CWF19L1: variants seen among roughly 807,000 people sequenced by gnomAD.
CWF19L1 encodes the protein CWF19-like protein 1.
Under a neutral mutation model 69.7 loss-of-function variants are expected in CWF19L1, and 60 were observed. The ratio of observed to expected loss-of-function variants is 0.86; its 90% CI spans 0.70 to 1.07. The LOEUF (loss-of-function observed/expected upper bound fraction) is 1.07. CWF19L1 is among the 50% of genes least tolerant of loss of function. CWF19L1 has a pLI of 0.00. For missense variants in CWF19L1, 591 were observed against 638.9 expected, an observed-to-expected ratio of 0.92 and a Z score of 0.81; for synonymous variants, 209 against 222.2, an observed-to-expected ratio of 0.94 and a Z score of 0.53.
intron 4 of CWF19L1, among the ~76,000 whole-genome samples, chr10:100,259,650 G>A (rs191559000): frequency 3.3e-4 from 50 of 152,172 alleles, no homozygotes; most frequent in African/African-American, 1.1e-3. Context: ...AGTGTGTACC[G>A]GGTTGTGGGA....
chr10:100,242,180 C>T (rs1044405715), intron 10 of CWF19L1, among the ~76,000 whole-genome samples: 1 of 152,080 alleles, frequency 6.6e-6, no homozygotes, highest in East Asian at 1.9e-4. Flanking sequence ...AAGACCATCC[C>T]GTTCTCATAG....
At chr10:100,250,400 T>G in intron 6 of CWF19L1, 68 bp from the exon 7 acceptor site, 1 of 924,494 alleles carries the variant, frequency 1.1e-6, no homozygotes, top group East Asian at 2.4e-5. Context: ...ACAAAATATG[T>G]GGACTCTATG....
intron 1 of CWF19L1, among the ~76,000 whole-genome samples, chr10:100,267,067 G>A (rs1057079014): frequency 1.3e-5 from 2 of 149,256 alleles, no homozygotes; most frequent in Non-Finnish European, 3.0e-5. Context: ...CTAGCACAGC[G>A]TCCGGCACAC....
At chr10:100,255,677 T>C (rs1289704705) in intron 5 of CWF19L1, among the ~76,000 whole-genome samples, 1 of 150,464 alleles carries the variant, frequency 6.6e-6, no homozygotes, top group Non-Finnish European at 1.5e-5. Context: ...GCAGGTGAAT[T>C]GCTTGAACCC....
chr10:100,246,071 C>A, intron 8 of CWF19L1, 158 bp from the exon 9 acceptor site: 2 of 576,152 alleles, frequency 3.5e-6, no homozygotes, highest in Non-Finnish European at 6.2e-6. Context: ...CTTCCCAGTT[C>A]TGATGCCTGA....
At chr10:100,248,412 C>T (rs7079072) in intron 7 of CWF19L1, 7 of 724,116 alleles carry the variant, frequency 9.7e-6, no homozygotes, top group South Asian at 5.7e-5. Context: ...CACTGTGGTA[C>T]GGGAAGGGAC....
intron 5 of CWF19L1, among the ~76,000 whole-genome samples, chr10:100,255,748 G>C (rs1188474014): frequency 2.3e-5 from 3 of 132,514 alleles, no homozygotes; most frequent in Non-Finnish European, 4.6e-5. Flanking sequence ...GGGTGACACA[G>C]CAAAACTCCA....
intron 3 of CWF19L1, 148 bp downstream of exon 3, chr10:100,260,818 G>A (rs560160374): frequency 3.2e-5 from 19 of 594,422 alleles, no homozygotes; most frequent in Admixed American, 2.7e-4. Flanking sequence ...CCACTGCGCC[G>A]GATAGTCTTA....
chr10:100,260,420 A>G, intron 3 of CWF19L1, 101 bp from the exon 4 acceptor site: 1 of 630,528 alleles, frequency 1.6e-6, no homozygotes, highest in South Asian at 2.1e-5. Flanking sequence ...AAAAGTAAAT[A>G]GTCCATGCAT....
At chr10:100,264,472 G>A (rs1847506086) in intron 1 of CWF19L1, among the ~76,000 whole-genome samples, 2 of 151,894 alleles carry the variant, frequency 1.3e-5, no homozygotes, top group African/African-American at 4.8e-5. Flanking sequence ...ATGAACCCAC[G>A]AGGCAGAGCT....
At chr10:100,266,345 AT>A (rs67561203) in intron 1 of CWF19L1, among the ~76,000 whole-genome samples, 29,085 of 143,682 alleles carry the variant, frequency 0.2, 5,003 homozygotes, top group African/African-American at 0.48. Context: ...CGCCCGGCTA[AT>A]TTTTTTTTTT....
intron 1 of CWF19L1, 69 bp from the exon 2 acceptor site, chr10:100,262,132 T>C: frequency 6.5e-7 from 1 of 1,549,234 alleles, no homozygotes; most frequent in Non-Finnish European, 8.7e-7. Flanking sequence ...TGGTATATAC[T>C]GGTCTTTTGG....
chr10:100,238,760 T>C (rs1336734968), intron 10 of CWF19L1, among the ~76,000 whole-genome samples: 1 of 152,022 alleles, frequency 6.6e-6, no homozygotes, highest in African/African-American at 2.4e-5. Flanking sequence ...TGAAACCTCA[T>C]TTCTACTAAA....
chr10:100,266,329 C>T (rs560869743), intron 1 of CWF19L1, among the ~76,000 whole-genome samples: 9 of 149,648 alleles, frequency 6.0e-5, no homozygotes, highest in Non-Finnish European at 1.0e-4. Context: ...TTAGCTGGGA[C>T]CACCACGCCC....
intron 6 of CWF19L1, among the ~76,000 whole-genome samples, chr10:100,252,643 A>T (rs1847078271): frequency 1.3e-5 from 2 of 151,756 alleles, no homozygotes; most frequent in South Asian, 4.2e-4. Flanking sequence ...GACCAGCCTG[A>T]CTGACATGGT....
intron 1 of CWF19L1, among the ~76,000 whole-genome samples, chr10:100,266,179 C>T (rs140302305): frequency 6.8e-6 from 1 of 147,432 alleles, no homozygotes; most frequent in Non-Finnish European, 1.5e-5. Flanking sequence ...CAAAAGTTAC[C>T]ACTATTGCAA....
At chr10:100,267,196 T>C (rs1847628216) in intron 1 of CWF19L1, among the ~76,000 whole-genome samples, 1 of 125,220 alleles carries the variant, frequency 8.0e-6, no homozygotes, top group Non-Finnish European at 1.6e-5. Flanking sequence ...CCCTATCTAC[T>C]CTGTCCACCA....
At chr10:100,244,674 G>A (rs1241215119) in intron 9 of CWF19L1, among the ~76,000 whole-genome samples, 2 of 150,572 alleles carry the variant, frequency 1.3e-5, no homozygotes, top group Non-Finnish European at 3.0e-5. Flanking sequence ...ATTTTTTTGA[G>A]ACAGGGCCTT....
At chr10:100,254,815 T>C (rs564210221) in intron 5 of CWF19L1, among the ~76,000 whole-genome samples, 1 of 152,298 alleles carries the variant, frequency 6.6e-6, no homozygotes, top group African/African-American at 2.4e-5. Flanking sequence ...GCAGCCCTTC[T>C]CTCGATCTTC....
Sources: allele counts gnomAD v4.1 joint callset (sites outside exome capture counted in the v4.1 genomes callset), GRCh38; gene constraint gnomAD v4.1.1; transcripts MANE v1.5; gene names NCBI Gene and HGNC (gene_info 2026-07-23, HGNC 2026-07-21).